PEX3: variants seen among roughly 807,000 people sequenced by gnomAD.
The protein encoded by PEX3 is peroxin-3.
Under a neutral mutation model 55.8 loss-of-function variants are expected in PEX3, and 30 were observed. The ratio of observed to expected loss-of-function variants is 0.54; its 90% CI spans 0.40 to 0.73. The LOEUF (loss-of-function observed/expected upper bound fraction) is 0.73. PEX3 is among the 30% of genes least tolerant of loss of function. The pLI, the probability that PEX3 is intolerant of heterozygous loss-of-function variation, is 0.00. For synonymous variants in PEX3, 135 were observed against 148.4 expected, an observed-to-expected ratio of 0.91 and a Z score of 0.66; for missense variants, 351 against 432.8, an observed-to-expected ratio of 0.81 and a Z score of 1.68.
Position 143,454,291 on chromosome 6 carries a change from C to T in PEX3, c.73+3176C>T, listed in dbSNP as rs1336151181. On this transcript the variant is annotated intron_variant, in intron 1 of 11. Coordinates refer to ENST00000367591, the MANE Select transcript of PEX3 (RefSeq NM_003630.3). This position sits in a 1 kb window ranked among gnomAD's most constrained non-coding sequence, Gnocchi z 4.3. ...GGCAAATAACATTTTAGTATTATTA[C>T]GAAAACAGTTTTGATTTTATAGACT... Among the ~76,000 whole-genome samples the T allele has an allele frequency of 1.3e-5, 2 of 152,104 alleles. No homozygotes were observed. The highest frequency in any genetic ancestry group is 2.9e-5 in the Non-Finnish European group (2 of 68,028).
chr6:143,465,425 G>A lies in PEX3; in HGVS notation c.287+2428G>A, dbSNP rs1487696605. 1.3e-5 allele frequency among the ~76,000 whole-genome samples: 2 copies of A among 151,650 alleles called. No homozygotes were observed. The highest frequency in any genetic ancestry group is 4.1e-4 in the South Asian group (2 of 4,822). On this transcript the variant is annotated intron_variant, in intron 3 of 11. Transcript: ENST00000367591. The surrounding 1 kb of genome is among the most constrained non-coding windows in gnomAD (Gnocchi z 4.7). ...CCAAATAAAATACAGTTTTTTGTTC[G>A]TTTGGTTTTGGTTTTTTTTTAGATA...
At chr6:143,473,082 C>T (rs1312171995) in intron 8 of PEX3, among the ~76,000 whole-genome samples, 2 of 152,170 alleles carry the variant, frequency 1.3e-5, no homozygotes, top group Non-Finnish European at 2.9e-5. Flanking sequence ...TCTTACTTGA[C>T]AACTGGAAAA....
At position 143,479,207 on chromosome 6, in the gene PEX3, A is replaced by G. The variant is rs1191770464; in HGVS notation, c.941+9A>G. 3.1e-6 allele frequency: 5 copies of G among 1,596,770 alleles called. No individual in the cohort carries two copies. The highest frequency in any genetic ancestry group is 4.3e-6 in the Non-Finnish European group (5 of 1,164,694). ...GGTAACTCTATGAATAGGTAAGATGACATATAAAAATGTTATACTAATGAA... is the reference window on the plus strand; with the variant it reads ...GGTAACTCTATGAATAGGTAAGATGGCATATAAAAATGTTATACTAATGAA... On this transcript the variant is annotated intron_variant, in intron 10 of 11. Coordinates refer to ENST00000367591, the MANE Select transcript of PEX3 (RefSeq NM_003630.3). This position sits in a 1 kb window ranked among gnomAD's most constrained non-coding sequence, Gnocchi z 4.6.
intron 8 of PEX3, 111 bp from the exon 9 acceptor site, chr6:143,474,675 A>G: frequency 1.4e-6 from 1 of 732,898 alleles, no homozygotes; most frequent in Admixed American, 1.9e-5. Context: ...TTTATTGTTG[A>G]TAGAACATAG....
chr6:143,474,374 A>G (rs1278193415), intron 8 of PEX3, among the ~76,000 whole-genome samples: 1 of 150,930 alleles, frequency 6.6e-6, no homozygotes, highest in African/African-American at 2.4e-5. Flanking sequence ...CAGGAGAATC[A>G]CTTGAACCTC....
chr6:143,453,697 C>T lies in PEX3; in HGVS notation c.73+2582C>T, dbSNP rs1779806101. 6.6e-6 allele frequency among the ~76,000 whole-genome samples: 1 copy of T among 152,140 alleles called. No homozygotes were observed. The highest frequency in any genetic ancestry group is 1.9e-4 in the East Asian group (1 of 5,192). The stretch of plus-strand genomic sequence containing the variant: ...ACTCATGCGATCCTCTCACCTCAGC[C>T]TCCCAAGTAGCTAGGACCACAGGTG... On this transcript the variant is annotated intron_variant, in intron 1 of 11. Transcript: ENST00000367591. This position sits in a 1 kb window ranked among gnomAD's most constrained non-coding sequence, Gnocchi z 4.6.
intron 1 of PEX3, among the ~76,000 whole-genome samples, chr6:143,456,883 AAT>A (rs1456968323): frequency 6.6e-6 from 1 of 152,152 alleles, no homozygotes; most frequent in Non-Finnish European, 1.5e-5. Flanking sequence ...CGTTCAGGAA[AAT>A]TTCGCACTCA....
chr6:143,474,878 G>C (rs1780130231), intron 9 of PEX3, 22 bp downstream of exon 9: 1 of 1,259,100 alleles, frequency 7.9e-7, no homozygotes, highest in Non-Finnish European at 1.2e-6. Flanking sequence ...TCATGTAGCA[G>C]GAAAAATATG....
chr6:143,462,647 ATTCT>A lies in PEX3; in HGVS notation c.206-264_206-261del, dbSNP rs1338839748. Among the ~76,000 whole-genome samples, 4 of 152,172 alleles carry A rather than the reference ATTCT, an allele frequency of 2.6e-5. No homozygotes were observed. The highest frequency in any genetic ancestry group is 7.2e-5 in the African/African-American group (3 of 41,454). ...CCACCACTGTTAAAATCTGAGAATA[ATTCT>A]TTCTATTGTTTCTTCTGTGTGTACT... On this transcript the variant is annotated intron_variant, in intron 2 of 11. Transcript: ENST00000367591. The surrounding 1 kb of genome is among the most constrained non-coding windows in gnomAD (Gnocchi z 4.1).
rs1448427096 is a variant in PEX3, at chr6:143,454,166, G to C, written c.73+3051G>C. Among the ~76,000 whole-genome samples, 3 of 152,128 alleles carry C rather than the reference G, an allele frequency of 2.0e-5. No homozygotes were observed. The highest frequency in any genetic ancestry group is 2.0e-4 in the Admixed American group (3 of 15,278). ...TGTTTGGCTTAATTGAAGAAAGCTG[G>C]ATTCTCATCTCTTTCTATATTCTGT... On this transcript the variant is annotated intron_variant, in intron 1 of 11. Coordinates refer to ENST00000367591, the MANE Select transcript of PEX3 (RefSeq NM_003630.3). This position sits in a 1 kb window ranked among gnomAD's most constrained non-coding sequence, Gnocchi z 4.3.
rs34748871 is a variant in PEX3 at position 143,461,581 on chromosome 6, G to GA, written c.206-1322dup. Among the ~76,000 whole-genome samples the GA allele has an allele frequency of 4.4e-3, 633 of 143,882 alleles. 3 individuals carry two copies. The highest frequency in any genetic ancestry group is 9.4e-3 in the African/African-American group (377 of 40,230). The allele number at this position is 143,882 out of a possible 152,430, so 94.4% of individuals were successfully genotyped here. ...TGGATAAGATGTAATTGATATACTA[G>GA]AAAAAAAAAAAAAGAGTGCTTTGGG... On this transcript the variant is annotated intron_variant, in intron 2 of 11. Coordinates refer to ENST00000367591, the MANE Select transcript of PEX3 (RefSeq NM_003630.3).
rs2128747264 is a variant in PEX3 at position 143,476,657 on chromosome 6, G to A, written c.818+1801G>A. Among the ~76,000 whole-genome samples, 1 of 152,312 alleles carries A rather than the reference G, an allele frequency of 6.6e-6. No individual in the cohort carries two copies. ...TTTAGTGTGGGTTATGAAAGAGGAG[G>A]CAAGGATGACTCCTAGGTATTGGGG... On this transcript the variant is annotated intron_variant, in intron 9 of 11. Transcript: ENST00000367591. This position sits in a 1 kb window ranked among gnomAD's most constrained non-coding sequence, Gnocchi z 5.4.
chr6:143,461,924 G>T (rs912856990), intron 2 of PEX3, among the ~76,000 whole-genome samples: 3 of 152,162 alleles, frequency 2.0e-5, no homozygotes, highest in African/African-American at 7.2e-5. Flanking sequence ...CTCCAGCCTG[G>T]GTGACAGTGT....
rs1780263626 is a variant in PEX3 at position 143,483,085 on chromosome 6, ATCAGT to A, written c.942-2065_942-2061del. ...GACATTATATACAGAACTTTTGCACATCAGTTAAGGAAGCAAACACCTAAGGAAAG... is the reference window on the plus strand; with the variant it reads ...GACATTATATACAGAACTTTTGCACATAAGGAAGCAAACACCTAAGGAAAG... On this transcript the variant is annotated intron_variant, in intron 10 of 11. Coordinates refer to ENST00000367591, the MANE Select transcript of PEX3 (RefSeq NM_003630.3). This position sits in a 1 kb window ranked among gnomAD's most constrained non-coding sequence, Gnocchi z 4.3. Among the ~76,000 whole-genome samples, 1 of 152,156 alleles carries A rather than the reference ATCAGT, an allele frequency of 6.6e-6. No homozygotes were observed. The highest frequency in any genetic ancestry group is 1.5e-5 in the Non-Finnish European group (1 of 68,026).
chr6:143,485,983 ATCT>A lies in PEX3; in HGVS notation c.1038+740_1038+742del, dbSNP rs1780318328. Among the ~76,000 whole-genome samples, 1 of 152,152 alleles carries A rather than the reference ATCT, an allele frequency of 6.6e-6. No homozygotes were observed. The highest frequency in any genetic ancestry group is 6.6e-5 in the Admixed American group (1 of 15,258). On this transcript the variant is annotated intron_variant, in intron 11 of 11. Transcript: ENST00000367591. This position sits in a 1 kb window ranked among gnomAD's most constrained non-coding sequence, Gnocchi z 5.6. ...CCTATGGCCTAAGCATAAAGCTGAC[ATCT>A]TCTTAGTGTAACTTGTCTCAGACAA...
chr6:143,485,414 G>A lies in PEX3; in HGVS notation c.1038+166G>A, dbSNP rs161057. The stretch of plus-strand genomic sequence containing the variant: ...TAGAGTGTCCCATGAGAGTAATAAC[G>A]GACCATAGCAAATGTGTAAGTTTGG... On this transcript the variant is annotated intron_variant, in intron 11 of 11. Coordinates refer to ENST00000367591, the MANE Select transcript of PEX3 (RefSeq NM_003630.3). This position sits in a 1 kb window ranked among gnomAD's most constrained non-coding sequence, Gnocchi z 5.6. Among the ~76,000 whole-genome samples the A allele has an allele frequency of 0.14, 20,864 of 151,816 alleles. 1,596 individuals carry two copies. Among genetic ancestry groups the A allele is most frequent in the East Asian group, 0.33 (1,697 of 5,146 alleles).
rs1404106449 is a variant in PEX3, at chr6:143,462,674, A to G, written c.206-242A>G. ...TCTTTCTATTGTTTCTTCTGTGTGT[A>G]CTTGTGTTGCTGTGATCATAATGTT... On this transcript the variant is annotated intron_variant, in intron 2 of 11. Coordinates refer to ENST00000367591, the MANE Select transcript of PEX3 (RefSeq NM_003630.3). This position sits in a 1 kb window ranked among gnomAD's most constrained non-coding sequence, Gnocchi z 4.1. Among the ~76,000 whole-genome samples the G allele has an allele frequency of 1.3e-5, 2 of 152,208 alleles. No individual in the cohort carries two copies. Among genetic ancestry groups the G allele is most frequent in the African/African-American group, 4.8e-5 (2 of 41,466 alleles).
At position 143,475,641 on chromosome 6, in the gene PEX3, A is replaced by C. The variant is rs1485327310; in HGVS notation, c.818+785A>C. Among the ~76,000 whole-genome samples, 1 of 152,196 alleles carries C rather than the reference A, an allele frequency of 6.6e-6. No homozygotes were observed. The highest frequency in any genetic ancestry group is 1.9e-4 in the East Asian group (1 of 5,198). ...TGTACTCCAGCCTGGGCAACAGAGT[A>C]AGATCCTGTCTCAAACAAACAAAAC... On this transcript the variant is annotated intron_variant, in intron 9 of 11. Coordinates refer to ENST00000367591, the MANE Select transcript of PEX3 (RefSeq NM_003630.3). The surrounding 1 kb of genome is among the most constrained non-coding windows in gnomAD (Gnocchi z 4.4).
intron 4 of PEX3, 40 bp from the exon 5 acceptor site, chr6:143,470,921 A>G (rs370589323): frequency 4.4e-6 from 7 of 1,579,510 alleles, no homozygotes; most frequent in Non-Finnish European, 6.1e-6. Context: ...ACACATTTGT[A>G]TTAATCACAG....
Sources: gnomAD v4.1 joint callset for allele counts (sites outside exome capture counted in the v4.1 genomes callset) on GRCh38, gnomAD v4.1.1 for gene constraint, Gnocchi (gnomAD v3.1) non-coding constraint, MANE v1.5 for transcripts, NCBI Gene and HGNC (gene_info 2026-07-23, HGNC 2026-07-21) for gene names.